Variants in SULF1 observed in about 807,000 individuals in gnomAD.
SULF1 encodes the protein sulfatase 1, also known as extracellular sulfatase Sulf-1.
Under a neutral mutation model 110.5 loss-of-function variants are expected in SULF1, and 46 were observed. The observed-to-expected ratio is 0.42, with a 90% CI of 0.33 to 0.53. The LOEUF is 0.53. SULF1 is among the 20% of genes least tolerant of loss of function. SULF1 has a pLI of 0.12. For missense variants in SULF1, 941 were observed against 1,094.2 expected, an observed-to-expected ratio of 0.86 and a Z score of 1.98; for synonymous variants, 371 against 387.1, an observed-to-expected ratio of 0.96 and a Z score of 0.49.
chr8:69,544,930 C>G (rs1298572001), intron 3 of SULF1, among the ~76,000 whole-genome samples: 1 of 152,052 alleles, frequency 6.6e-6, no homozygotes, highest in Non-Finnish European at 1.5e-5. Flanking sequence ...ACCACTTAAC[C>G]TCTTTCAGGA....
chr8:69,528,062 G>A (rs1812819774), intron 3 of SULF1, among the ~76,000 whole-genome samples: 1 of 152,114 alleles, frequency 6.6e-6, no homozygotes, highest in African/African-American at 2.4e-5. Context: ...ACTCTTTTAT[G>A]TCCAACTGCA....
chr8:69,470,564 A>G (rs1041763083), intron 1 of SULF1, among the ~76,000 whole-genome samples: 1 of 151,948 alleles, frequency 6.6e-6, no homozygotes, highest in Non-Finnish European at 1.5e-5. Flanking sequence ...CATGTGGCCC[A>G]TAGCTACCAT....
At chr8:69,651,051 C>CT (rs111556401) in intron 22 of SULF1, among the ~76,000 whole-genome samples, 17,185 of 133,942 alleles carry the variant, frequency 0.13, 2,353 homozygotes, top group African/African-American at 0.33. Flanking sequence ...TCTTTTTTTT[C>CT]TTTTCTTTTT....
intron 5 of SULF1, among the ~76,000 whole-genome samples, chr8:69,572,721 T>G (rs1805321019): frequency 6.6e-6 from 1 of 152,062 alleles, no homozygotes; most frequent in South Asian, 2.1e-4. Context: ...TATCTTGGGG[T>G]GGGTACAGGA....
intron 6 of SULF1, among the ~76,000 whole-genome samples, chr8:69,581,657 T>A (rs1806071390): frequency 6.6e-6 from 1 of 152,140 alleles, no homozygotes; most frequent in Admixed American, 6.5e-5. Flanking sequence ...CATGTAGACA[T>A]AATGGCAGTA....
chr8:69,595,377 C>T (rs544072623), intron 8 of SULF1, among the ~76,000 whole-genome samples: 1 of 152,314 alleles, frequency 6.6e-6, no homozygotes, highest in African/African-American at 2.4e-5. Flanking sequence ...ACTGGTGTTT[C>T]TAACTTCATT....
intron 8 of SULF1, among the ~76,000 whole-genome samples, chr8:69,594,619 T>C (rs1389735651): frequency 6.6e-6 from 1 of 152,122 alleles, no homozygotes; most frequent in African/African-American, 2.4e-5. Flanking sequence ...TGGAAAGAAA[T>C]GTCTTGCCTT....
At chr8:69,508,995 G>A (rs186946038) in intron 3 of SULF1, among the ~76,000 whole-genome samples, 17 of 152,216 alleles carry the variant, frequency 1.1e-4, no homozygotes, top group South Asian at 2.1e-4. Context: ...TCAAGATATC[G>A]GCTCTGGTTT....
intron 3 of SULF1, among the ~76,000 whole-genome samples, chr8:69,552,116 T>A (rs967503140): frequency 6.6e-6 from 1 of 152,136 alleles, no homozygotes; most frequent in Admixed American, 6.5e-5. Flanking sequence ...ATTTTATAGG[T>A]CTCATCCCAG....
chr8:69,558,926 A>G (rs530626587), intron 3 of SULF1, among the ~76,000 whole-genome samples: 2 of 152,304 alleles, frequency 1.3e-5, no homozygotes, highest in South Asian at 4.1e-4. Context: ...GATATATTTT[A>G]TTAAAAAAAA....
intron 3 of SULF1, among the ~76,000 whole-genome samples, chr8:69,555,513 C>T (rs771024246): frequency 2.0e-5 from 3 of 151,986 alleles, no homozygotes; most frequent in East Asian, 1.9e-4. Context: ...AAAAATTAGC[C>T]GGGTGTGGTG....
chr8:69,488,653 C>T (rs887589984), upstream of SULF1, among the ~76,000 whole-genome samples: 2 of 152,026 alleles, frequency 1.3e-5, no homozygotes, highest in Non-Finnish European at 2.9e-5. Flanking sequence ...TCCTCTTCAC[C>T]CTGTTGGTGA....
At chr8:69,516,205 T>G (rs1024286711) in intron 3 of SULF1, among the ~76,000 whole-genome samples, 3 of 152,272 alleles carry the variant, frequency 2.0e-5, no homozygotes, top group African/African-American at 7.2e-5. Flanking sequence ...ACTGAGTAGT[T>G]TTTAAATAAA....
chr8:69,617,030 C>T (rs1809203692), intron 13 of SULF1, among the ~76,000 whole-genome samples: 1 of 152,038 alleles, frequency 6.6e-6, no homozygotes, highest in African/African-American at 2.4e-5. Context: ...GATGGATAAG[C>T]CTTAAACCAT....
chr8:69,551,383 G>A (rs917518450), intron 3 of SULF1, among the ~76,000 whole-genome samples: 2 of 152,228 alleles, frequency 1.3e-5, no homozygotes, highest in African/African-American at 4.8e-5. Flanking sequence ...TGGAAAGAGA[G>A]TACGTAGAAA....
chr8:69,654,110 G>T (rs1020332967), intron 22 of SULF1, among the ~76,000 whole-genome samples: 10 of 152,142 alleles, frequency 6.6e-5, no homozygotes, highest in Non-Finnish European at 1.5e-4. Context: ...TGGTATAATG[G>T]AGCTAAGAGA....
At chr8:69,626,388 T>G (rs1810028367) in intron 15 of SULF1, among the ~76,000 whole-genome samples, 1 of 152,206 alleles carries the variant, frequency 6.6e-6, no homozygotes, top group South Asian at 2.1e-4. Flanking sequence ...AGACTCCACG[T>G]CCCCACCAGA....
chr8:69,565,699 C>G (rs571104352), intron 5 of SULF1, among the ~76,000 whole-genome samples: 45 of 152,312 alleles, frequency 3.0e-4, no homozygotes, highest in African/African-American at 9.6e-4. Context: ...GATCAGATCA[C>G]TTTTCTGCTT....
chr8:69,514,485 A>T (rs886515483), intron 3 of SULF1, among the ~76,000 whole-genome samples: 17 of 152,226 alleles, frequency 1.1e-4, no homozygotes, highest in African/African-American at 3.9e-4. Context: ...ACAGTTCAAT[A>T]TGAGATTTGG....
Sources: allele counts gnomAD v4.1 joint callset (sites outside exome capture counted in the v4.1 genomes callset), GRCh38; gene constraint gnomAD v4.1.1; transcripts MANE v1.5; gene names NCBI Gene and HGNC (gene_info 2026-07-23, HGNC 2026-07-21).